PXDNL: variants seen among roughly 807,000 people sequenced by gnomAD.
PXDNL encodes the protein probable oxidoreductase PXDNL.
In PXDNL, 145 loss-of-function variants were observed where a neutral mutation model predicts 150.8. The observed-to-expected ratio is 0.96, with a 90% confidence interval of 0.84 to 1.10. PXDNL has a LOEUF of 1.10. Ranked by LOEUF, PXDNL falls within the 50% of genes least tolerant of loss-of-function variation. The probability of loss-of-function intolerance (pLI) is 0.00; values close to 1 mark genes in which losing one functional copy is unlikely to be tolerated. For missense variants in PXDNL, 2,087 were observed against 1,873.9 expected, an observed-to-expected ratio of 1.11 and a Z score of -2.10; for synonymous variants, 757 against 725.7, an observed-to-expected ratio of 1.04 and a Z score of -0.69.
chr8:51,469,950 T>G (rs912911792), intron 8 of PXDNL, among the ~76,000 whole-genome samples: 1 of 152,100 alleles, frequency 6.6e-6, no homozygotes, highest in African/African-American at 2.4e-5. Flanking sequence ...TTTTTAGATT[T>G]CTTTGTTTTC....
intron 1 of PXDNL, among the ~76,000 whole-genome samples, chr8:51,657,025 A>C (rs1019037599): frequency 3.3e-5 from 5 of 152,228 alleles, no homozygotes; most frequent in Non-Finnish European, 7.3e-5. Flanking sequence ...CTGTAAGTTG[A>C]AAACATTGTA....
At chr8:51,473,563 T>C (rs1272357698) in intron 7 of PXDNL, among the ~76,000 whole-genome samples, 1 of 151,958 alleles carries the variant, frequency 6.6e-6, no homozygotes, top group East Asian at 1.9e-4. Flanking sequence ...CTTCCAAGAA[T>C]GGAGAACACT....
chr8:51,666,958 C>T (rs1054901728), intron 1 of PXDNL, among the ~76,000 whole-genome samples: 2 of 152,196 alleles, frequency 1.3e-5, no homozygotes, highest in African/African-American at 4.8e-5. Flanking sequence ...AGACCCACCC[C>T]GATTTTCTGT....
chr8:51,664,790 G>T (rs1431391764), intron 1 of PXDNL, among the ~76,000 whole-genome samples: 1 of 152,032 alleles, frequency 6.6e-6, no homozygotes, highest in Non-Finnish European at 1.5e-5. Context: ...GGATGAAGCT[G>T]AGCCTGTCTG....
At chr8:51,783,409 A>T (rs576751136) in intron 1 of PXDNL, among the ~76,000 whole-genome samples, 1 of 152,348 alleles carries the variant, frequency 6.6e-6, no homozygotes, top group Non-Finnish European at 1.5e-5. Context: ...AGTTGTCCTT[A>T]GGGAAGAAAT....
chr8:51,723,420 T>C (rs1293186336), intron 1 of PXDNL, among the ~76,000 whole-genome samples: 3 of 152,178 alleles, frequency 2.0e-5, no homozygotes, highest in Non-Finnish European at 4.4e-5. Flanking sequence ...CCAGAACTCG[T>C]GCCGTATCAG....
chr8:51,514,998 T>C (rs973920258), intron 4 of PXDNL, among the ~76,000 whole-genome samples: 14 of 152,020 alleles, frequency 9.2e-5, no homozygotes, highest in Non-Finnish European at 1.5e-4. Context: ...GAGAAATACA[T>C]AGTAAAGAAT....
intron 1 of PXDNL, among the ~76,000 whole-genome samples, chr8:51,788,748 G>C (rs1479644167): frequency 6.6e-6 from 1 of 152,196 alleles, no homozygotes; most frequent in South Asian, 2.1e-4. Context: ...CCCAGTGCTG[G>C]GATGTGTTCT....
At chr8:51,670,378 A>G (rs1255443359) in intron 1 of PXDNL, among the ~76,000 whole-genome samples, 1 of 152,228 alleles carries the variant, frequency 6.6e-6, no homozygotes, top group East Asian at 1.9e-4. Context: ...AAGATCATAG[A>G]GTGCATTTAC....
At chr8:51,415,485 A>AT in intron 14 of PXDNL, among the ~76,000 whole-genome samples, 1 of 152,224 alleles carries the variant, frequency 6.6e-6, no homozygotes, top group African/African-American at 2.4e-5. Flanking sequence ...ACCAGATCTC[A>AT]TGAGAATTCA....
At chr8:51,575,338 C>T (rs1813027087) in intron 3 of PXDNL, among the ~76,000 whole-genome samples, 1 of 151,548 alleles carries the variant, frequency 6.6e-6, no homozygotes, top group African/African-American at 2.4e-5. Context: ...AGAGAAAGCA[C>T]AGAAAAGGGA....
At chr8:51,801,366 G>A (rs1222813259) in intron 1 of PXDNL, among the ~76,000 whole-genome samples, 1 of 152,168 alleles carries the variant, frequency 6.6e-6, no homozygotes, top group Non-Finnish European at 1.5e-5. Context: ...GCTGAACATA[G>A]ACCTTCATCA....
chr8:51,702,240 C>T (rs1295855419), intron 1 of PXDNL, among the ~76,000 whole-genome samples: 1 of 152,122 alleles, frequency 6.6e-6, no homozygotes. Flanking sequence ...GACTTTTAGA[C>T]TGACTTCAGA....
chr8:51,374,912 C>A (rs1807256588), intron 17 of PXDNL, among the ~76,000 whole-genome samples, 181 bp from the exon 18 acceptor site: 1 of 152,156 alleles, frequency 6.6e-6, no homozygotes, highest in African/African-American at 2.4e-5. Flanking sequence ...AGGGATCACC[C>A]CATAGGCAGG....
At chr8:51,346,629 G>A (rs148618373) in intron 19 of PXDNL, among the ~76,000 whole-genome samples, 28 of 152,186 alleles carry the variant, frequency 1.8e-4, no homozygotes, top group African/African-American at 5.3e-4. Flanking sequence ...ATGTGGGAGC[G>A]GCTCCCTCAC....
At chr8:51,608,054 A>AAAGAAAGCAAGCAAGCAAGC (rs1554557536) in intron 2 of PXDNL, among the ~76,000 whole-genome samples, 3 of 111,596 alleles carry the variant, frequency 2.7e-5, no homozygotes, top group Non-Finnish European at 5.4e-5. Context: ...AGAAAGAAAG[A>AAAGAAAGCAAGCAAGCAAGC]AAGCAAGCAA....
chr8:51,598,114 T>C (rs1163965680), intron 2 of PXDNL, among the ~76,000 whole-genome samples: 2 of 152,228 alleles, frequency 1.3e-5, no homozygotes, highest in Non-Finnish European at 2.9e-5. Context: ...TGAACTTTGT[T>C]ATCAGTTCCA....
chr8:51,744,857 G>A (rs1294293371), intron 1 of PXDNL, among the ~76,000 whole-genome samples: 3 of 146,950 alleles, frequency 2.0e-5, no homozygotes, highest in African/African-American at 7.5e-5. Flanking sequence ...AGGAAAGAAG[G>A]AAAGAGAAAG....
intron 6 of PXDNL, among the ~76,000 whole-genome samples, chr8:51,482,588 C>G (rs1425286377): frequency 1.3e-5 from 2 of 152,128 alleles, no homozygotes; most frequent in Non-Finnish European, 2.9e-5. Flanking sequence ...CAAATCTCAT[C>G]TTGAATTGTA....
Sources: gnomAD v4.1 joint callset for allele counts (sites outside exome capture counted in the v4.1 genomes callset) on GRCh38, gnomAD v4.1.1 for gene constraint, MANE v1.5 for transcripts, NCBI Gene and HGNC (gene_info 2026-07-23, HGNC 2026-07-21) for gene names.